The following KCNH1 variants were observed in gnomAD, a reference collection of about 807,000 sequenced individuals.
KCNH1 encodes the protein potassium voltage-gated channel subfamily H member 1, also known as voltage-gated delayed rectifier potassium channel KCNH1.
A neutral mutation model predicts 69.2 loss-of-function variants in KCNH1; 27 were observed. That is an observed-to-expected ratio of 0.39 (90% CI 0.29 to 0.54). The LOEUF (loss-of-function observed/expected upper bound fraction) is 0.54. KCNH1 is among the 20% of genes least tolerant of loss of function. KCNH1 has a pLI of 0.68. For synonymous variants in KCNH1, 456 were observed against 487.7 expected (o/e 0.93, Z 0.86); for missense variants, 798 against 1,261.6 (o/e 0.63, Z 5.57).
In KCNH1 at chr1:210,806,824, A is replaced by ATATATATATATAT. The variant is rs1387980426; in HGVS notation, c.1463-2659_1463-2658insATATATATATATA. The stretch of plus-strand genomic sequence containing the variant: ...ATCTCTACCAAAAAAAAAAAAAAAA[A>ATATATATATATAT]AAAAAAAAAAAAATATATATATATA... On this transcript the variant is annotated intron_variant, in intron 7 of 10. Coordinates refer to ENST00000271751, the MANE Select transcript of KCNH1 (RefSeq NM_172362.3). 1.4e-3 allele frequency among the ~76,000 whole-genome samples: 62 copies of ATATATATATATAT among 44,898 alleles called. 5 individuals carry two copies. Among genetic ancestry groups the ATATATATATATAT allele is most frequent in the South Asian group, 4.0e-3 (3 of 742 alleles). 29.5% of individuals were successfully genotyped at this position (44,898 alleles called of 152,430 possible).
At chr1:210,784,960 A>C (rs925831742) in intron 9 of KCNH1, among the ~76,000 whole-genome samples, 1 of 152,188 alleles carries the variant, frequency 6.6e-6, no homozygotes. Context: ...AGTTCAGCCC[A>C]GTTCAACAAC....
At chr1:210,809,683 G>T (rs957218307) in intron 7 of KCNH1, among the ~76,000 whole-genome samples, 81 of 152,166 alleles carry the variant, frequency 5.3e-4, no homozygotes, top group African/African-American at 1.8e-3. Flanking sequence ...TCTGTAGTGA[G>T]TGGTCTCTTA....
chr1:210,724,931 C>T (rs1332492347), intron 10 of KCNH1, among the ~76,000 whole-genome samples: 1 of 152,170 alleles, frequency 6.6e-6, no homozygotes, highest in Non-Finnish European at 1.5e-5. Context: ...ATCCCATCTC[C>T]CTGACTTCTC....
chr1:211,100,501 G>A (rs543871898), intron 3 of KCNH1, among the ~76,000 whole-genome samples: 8 of 152,148 alleles, frequency 5.3e-5, no homozygotes, highest in East Asian at 3.9e-4. Flanking sequence ...ACAGGCACCC[G>A]CCACCACACC....
At chr1:210,927,266 A>C (rs971056374) in intron 6 of KCNH1, among the ~76,000 whole-genome samples, 2 of 152,212 alleles carry the variant, frequency 1.3e-5, no homozygotes, top group African/African-American at 4.8e-5. Context: ...GCACACAGTC[A>C]TCTAAAGCCA....
chr1:211,080,438 T>C (rs1456401462), intron 5 of KCNH1, among the ~76,000 whole-genome samples: 1 of 152,178 alleles, frequency 6.6e-6, no homozygotes, highest in African/African-American at 2.4e-5. Context: ...AAGCTACCAA[T>C]GACTTTCTTC....
At chr1:210,795,150 GT>G (rs888822619) in intron 9 of KCNH1, among the ~76,000 whole-genome samples, 2 of 148,898 alleles carry the variant, frequency 1.3e-5, no homozygotes, top group African/African-American at 4.9e-5. Context: ...TGTTGTTGTT[GT>G]TTGTTTGTTT....
intron 5 of KCNH1, among the ~76,000 whole-genome samples, chr1:211,070,807 G>GC (rs1024873388): frequency 2.7e-5 from 4 of 146,492 alleles, no homozygotes; most frequent in South Asian, 2.2e-4. Context: ...GGGGGACAGA[G>GC]CGAGACTCCA....
rs1298846019 is a variant in KCNH1, at chr1:210,797,685, G to C, written c.1738C>G (p.Pro580Ala). Residue 580 changes from proline to alanine, a missense_variant, in exon 9 of 11, where the codon CCG (proline) becomes GCG (alanine). Around this residue, in one of 4 missense-constraint regions of KCNH1, gnomAD observed 197 missense variants for 407.7 expected, o/e 0.48. Transcript: ENST00000271751. ...CCATCACTGGCCAGCCGGAAGGCCG[G>C]GTGCTCCTTGAACACCTTGCGGTTC... ...HLNRKVFKEH[P>A]AFRLASDGCL... is the part of the protein sequence containing the mutation. 5 of 1,614,092 alleles carry C rather than the reference G, an allele frequency of 3.1e-6. No individual in the cohort carries two copies. The African/African-American group carries it at 6.7e-5, about 22-fold the overall frequency.
At chr1:210,936,195 C>A (rs971352212) in intron 6 of KCNH1, among the ~76,000 whole-genome samples, 4 of 152,144 alleles carry the variant, frequency 2.6e-5, no homozygotes, top group Admixed American at 6.5e-5. Flanking sequence ...TTACAGTTTC[C>A]TGATTGCTTT....
chr1:210,921,757 G>A (rs1255516974), intron 6 of KCNH1, among the ~76,000 whole-genome samples: 5 of 152,176 alleles, frequency 3.3e-5, no homozygotes, highest in African/African-American at 1.2e-4. Flanking sequence ...ATGACAGTGA[G>A]GCCTCGCATT....
chr1:210,954,419 C>T (rs2102349174), intron 6 of KCNH1, among the ~76,000 whole-genome samples: 1 of 152,210 alleles, frequency 6.6e-6, no homozygotes, highest in African/African-American at 2.4e-5. Context: ...GGTATATACC[C>T]AGTAATGGGA....
At chr1:211,101,008 C>T (rs1023763188) in intron 3 of KCNH1, among the ~76,000 whole-genome samples, 2 of 152,224 alleles carry the variant, frequency 1.3e-5, no homozygotes, top group African/African-American at 4.8e-5. Flanking sequence ...CATATGCATT[C>T]AGCCTGGGAT....
At chr1:210,866,016 G>C (rs1296812888) in intron 7 of KCNH1, among the ~76,000 whole-genome samples, 1 of 152,034 alleles carries the variant, frequency 6.6e-6, no homozygotes, top group Non-Finnish European at 1.5e-5. Context: ...CTCAATGGGG[G>C]AATAAAAACT....
intron 6 of KCNH1, among the ~76,000 whole-genome samples, chr1:211,003,528 TC>T (rs1346333809): frequency 1.3e-5 from 2 of 152,166 alleles, no homozygotes; most frequent in Non-Finnish European, 2.9e-5. Flanking sequence ...GTCTGCACTA[TC>T]CCCTGCTGTT....
At chr1:210,973,366 G>C (rs1688548044) in intron 6 of KCNH1, among the ~76,000 whole-genome samples, 1 of 152,034 alleles carries the variant, frequency 6.6e-6, no homozygotes, top group Non-Finnish European at 1.5e-5. Context: ...CATCTTCTAA[G>C]ACAGAAATTC....
At chr1:211,113,974 T>A (rs200138619) in intron 1 of KCNH1, among the ~76,000 whole-genome samples, 59 of 142,470 alleles carry the variant, frequency 4.1e-4, no homozygotes, top group East Asian at 1.0e-3. Flanking sequence ...TCTCTCTCTC[T>A]CACACACACA....
At chr1:211,079,527 T>C (rs574765254) in intron 5 of KCNH1, among the ~76,000 whole-genome samples, 1 of 152,200 alleles carries the variant, frequency 6.6e-6, no homozygotes, top group Non-Finnish European at 1.5e-5. Context: ...AAGAGAATTT[T>C]AGACCAATAT....
chr1:211,061,211 C>T (rs1016438071), intron 5 of KCNH1, among the ~76,000 whole-genome samples: 3 of 152,088 alleles, frequency 2.0e-5, no homozygotes, highest in African/African-American at 7.2e-5. Context: ...AAAAAACATA[C>T]AATCATTTCA....
Sources: allele counts gnomAD v4.1 joint callset (sites outside exome capture counted in the v4.1 genomes callset), GRCh38; gene constraint gnomAD v4.1.1; regional missense constraint gnomAD v4.1.1; transcripts MANE v1.5; gene names NCBI Gene and HGNC (gene_info 2026-07-23, HGNC 2026-07-21).